The following DOCK1 variants were observed in gnomAD, a reference collection of about 807,000 sequenced individuals.
The protein encoded by DOCK1 is dedicator of cytokinesis 1.
A neutral mutation model predicts 262.7 loss-of-function variants in DOCK1; 138 were observed. That is an observed-to-expected ratio of 0.53 (90% CI 0.46 to 0.61). DOCK1 has a LOEUF of 0.61. Among genes scored for constraint, DOCK1 ranks in the 20% least tolerant of loss-of-function variants. The pLI is 0.00. For missense variants in DOCK1, 1,908 were observed against 2,370.7 expected (o/e 0.80, Z 4.05); for synonymous variants, 866 against 867.4 (o/e 1.00, Z 0.03).
At position 127,444,168 on chromosome 10, in the gene DOCK1, A is replaced by G; in HGVS notation, c.5302A>G (p.Asn1768Asp). 17 of 1,592,846 alleles carry G rather than the reference A, an allele frequency of 1.1e-5. No individual in the cohort carries two copies. Among genetic ancestry groups the G allele is most frequent in the Non-Finnish European group, 1.5e-5 (17 of 1,170,520 alleles). The change falls in exon 50 of 52, where the codon AAC becomes GAC. Residue 1768 changes from asparagine (N) to aspartate (D), a missense_variant. Physicochemically the swap from Asn to Asp is conservative, Grantham distance 23 (BLOSUM62 1). This residue lies in a region of DOCK1 where 383 missense variants were observed against 420.1 expected (regional missense o/e 0.91). Transcript: ENST00000623213. The stretch of plus-strand genomic sequence containing the variant: ...CCAGAGACCGAAGAGCCAGGTGATG[A>G]ACGTCATTGGAAGCGAAAGGCGCTT... Reference protein sequence around the residue: ...RPQRPKSQVMNVIGSERRFSV... With the variant: ...RPQRPKSQVMDVIGSERRFSV...
chr10:127,266,010 A>G (rs2060339851), intron 29 of DOCK1, among the ~76,000 whole-genome samples: 1 of 152,238 alleles, frequency 6.6e-6, no homozygotes, highest in South Asian at 2.1e-4. Context: ...GGATCAGGGG[A>G]AAGGCACCGC....
At chr10:127,239,943 CAA>C (rs961052783) in intron 27 of DOCK1, among the ~76,000 whole-genome samples, 9 of 152,002 alleles carry the variant, frequency 5.9e-5, no homozygotes, top group Non-Finnish European at 1.3e-4. Context: ...TACTTCATAA[CAA>C]ATGTGAATAT....
chr10:127,117,153 C>T (rs530737367), intron 25 of DOCK1, among the ~76,000 whole-genome samples: 18 of 152,228 alleles, frequency 1.2e-4, no homozygotes, highest in Non-Finnish European at 1.9e-4. Context: ...GTTTCAATTC[C>T]ATCATAATTC....
chr10:127,231,337 TG>T (rs1327578589), intron 27 of DOCK1, among the ~76,000 whole-genome samples: 5 of 151,576 alleles, frequency 3.3e-5, no homozygotes. Flanking sequence ...TACAAGAAAA[TG>T]TTGGTGTAGT....
At chr10:126,994,786 G>A (rs955074693) in intron 6 of DOCK1, among the ~76,000 whole-genome samples, 8 of 152,046 alleles carry the variant, frequency 5.3e-5, no homozygotes, top group Non-Finnish European at 7.3e-5. Context: ...TTTTCTATTC[G>A]ACAAAACCGC....
chr10:126,973,185 C>T (rs2038243282), intron 2 of DOCK1, among the ~76,000 whole-genome samples: 1 of 151,536 alleles, frequency 6.6e-6, no homozygotes. Context: ...CCTGTGGAGA[C>T]TGCATTTTTG....
At chr10:127,161,520 G>A (rs530745217) in intron 27 of DOCK1, among the ~76,000 whole-genome samples, 124 of 152,306 alleles carry the variant, frequency 8.1e-4, no homozygotes, top group Admixed American at 2.2e-3. Context: ...AACTGAAGTT[G>A]CAATTTGAAG....
At chr10:127,423,392 G>A (rs2068624554) in intron 46 of DOCK1, among the ~76,000 whole-genome samples, 1 of 152,128 alleles carries the variant, frequency 6.6e-6, no homozygotes, top group African/African-American at 2.4e-5. Flanking sequence ...CTCCTCCTCA[G>A]CCCTGCTTGC....
At chr10:126,928,255 C>T (rs2033917429) in intron 1 of DOCK1, among the ~76,000 whole-genome samples, 4 of 152,210 alleles carry the variant, frequency 2.6e-5, no homozygotes, top group Non-Finnish European at 5.9e-5. Flanking sequence ...ACCCATCTCC[C>T]TGGGCTCTTG....
intron 29 of DOCK1, among the ~76,000 whole-genome samples, chr10:127,261,728 T>G (rs957304022): frequency 1.4e-5 from 2 of 138,194 alleles, no homozygotes; most frequent in Admixed American, 1.4e-4. Context: ...CATGTGGGTG[T>G]GCGTGTGTGT....
intron 6 of DOCK1, 81 bp from the exon 7 acceptor site, chr10:126,996,667 G>A (rs1329530934): frequency 2.2e-6 from 3 of 1,386,632 alleles, no homozygotes; most frequent in Non-Finnish European, 2.8e-6. Flanking sequence ...TACCTGCCCA[G>A]TTGCTGTGGT....
intron 27 of DOCK1, among the ~76,000 whole-genome samples, chr10:127,237,764 T>TA (rs1341401481): frequency 6.6e-6 from 1 of 152,230 alleles, no homozygotes; most frequent in Admixed American, 6.5e-5. Context: ...ACCTCCTTTT[T>TA]AGAATTCCCT....
intron 25 of DOCK1, among the ~76,000 whole-genome samples, chr10:127,123,163 C>T (rs577262248): frequency 6.6e-4 from 100 of 152,322 alleles, no homozygotes; most frequent in African/African-American, 2.2e-3. Flanking sequence ...CTTCAGAAGA[C>T]GGCTTCTAAG....
chr10:126,986,013 T>G (rs116268139), intron 4 of DOCK1, among the ~76,000 whole-genome samples: 8,369 of 152,006 alleles, frequency 0.055, 688 homozygotes, highest in African/African-American at 0.18. Context: ...CCCGGCTGAT[T>G]TTTTGTATTT....
chr10:127,024,897 A>G, intron 15 of DOCK1, 114 bp downstream of exon 15: 1 of 820,440 alleles, frequency 1.2e-6, no homozygotes, highest in Non-Finnish European at 1.8e-6. Flanking sequence ...AGGCAGGCAG[A>G]GTGTCTCCCA....
intron 18 of DOCK1, among the ~76,000 whole-genome samples, chr10:127,034,352 A>G (rs1458372255): frequency 6.6e-6 from 1 of 152,130 alleles, no homozygotes; most frequent in African/African-American, 2.4e-5. Context: ...TTTTAAAACC[A>G]TCAGATCTCA....
At chr10:127,368,471 T>A (rs1007824229) in intron 33 of DOCK1, among the ~76,000 whole-genome samples, 1 of 152,066 alleles carries the variant, frequency 6.6e-6, no homozygotes, top group African/African-American at 2.4e-5. Flanking sequence ...CACAGCTGCG[T>A]TCATCCCACC....
intron 1 of DOCK1, among the ~76,000 whole-genome samples, chr10:126,949,284 G>T (rs931652010): frequency 1.3e-5 from 2 of 152,124 alleles, no homozygotes; most frequent in Non-Finnish European, 2.9e-5. Flanking sequence ...GGAGCCGCAG[G>T]ACAGCCCCTA....
chr10:127,371,034 CCAGA>C (rs1306588105), intron 33 of DOCK1, among the ~76,000 whole-genome samples: 3 of 152,326 alleles, frequency 2.0e-5, no homozygotes, highest in South Asian at 2.1e-4. Context: ...TTGCAAATCA[CCAGA>C]CAATGTGCAT....
Sources: allele counts gnomAD v4.1 joint callset (sites outside exome capture counted in the v4.1 genomes callset), GRCh38; gene constraint gnomAD v4.1.1; regional missense constraint gnomAD v4.1.1; transcripts MANE v1.5; gene names NCBI Gene and HGNC (gene_info 2026-07-23, HGNC 2026-07-21).